The following PRG4 variants were observed in gnomAD, a reference collection of about 807,000 sequenced individuals.
PRG4 encodes the protein proteoglycan 4.
In PRG4, 61 loss-of-function variants were observed where a neutral mutation model predicts 91.2. That is an observed-to-expected ratio of 0.67 (90% CI 0.54 to 0.83). The LOEUF is 0.83. Ranked by LOEUF, PRG4 falls within the 40% of genes least tolerant of loss-of-function variation. The pLI is 0.00. For synonymous variants in PRG4, 576 were observed against 614.2 expected (o/e 0.94, Z 0.92); for missense variants, 1,564 against 1,714.2 (o/e 0.91, Z 1.55).
intron 6 of PRG4, 79 bp from the exon 7 acceptor site, chr1:186,306,239 T>C (rs1656544762): frequency 8.6e-7 from 1 of 1,160,996 alleles, no homozygotes; most frequent in East Asian, 2.5e-5. Flanking sequence ...AACTAGTCAA[T>C]GATAAAGATG....
Position 186,301,689 on chromosome 1 carries a change from T to C in PRG4, c.297T>C (p.Asp99=). The change falls in exon 4 of 13, where the codon GAT becomes GAC. Residue 99 remains aspartate, a synonymous_variant. Transcript: ENST00000445192. The part of the protein sequence containing the change: ...QCKKYDKCCP[D]YESFCAEVHN... ...AGAAGTATGACAAGTGCTGTCCCGA[T>C]TATGAGAGTTTCTGTGCAGAAGGTA... The C allele has an allele frequency of 6.2e-7, 1 of 1,613,704 alleles. No homozygotes were observed. The highest frequency in any genetic ancestry group is 8.5e-7 in the Non-Finnish European group (1 of 1,179,716).
At chr1:186,296,769 T>C in intron 1 of PRG4, 77 bp from the exon 2 acceptor site, 1 of 748,930 alleles carries the variant, frequency 1.3e-6, no homozygotes, top group Admixed American at 2.1e-5. Flanking sequence ...TTAAAGTTAC[T>C]GAAATGTGTA....
Position 186,307,432 on chromosome 1 carries a change from C to A in PRG4, c.1713C>A (p.Thr571=). The A allele has an allele frequency of 6.4e-7, 1 of 1,573,384 alleles. No homozygotes were observed. Among genetic ancestry groups the A allele is most frequent in the Non-Finnish European group, 8.6e-7 (1 of 1,161,152 alleles). The change falls in exon 7 of 13, where the codon ACC becomes ACA. Residue 571 remains threonine, a synonymous_variant. Transcript: ENST00000445192. ...APTTPKEPAP[T]TPKKPAPTTP... ...CCACTCCCAAGGAGCCTGCACCCAC[C>A]ACCCCCAAGAAGCCTGCCCCAACTA...
intron 2 of PRG4, among the ~76,000 whole-genome samples, chr1:186,297,853 G>A (rs1257889939): frequency 6.6e-6 from 1 of 152,132 alleles, no homozygotes. Flanking sequence ...ATAGGCATAA[G>A]TTGCAGAATT....
In PRG4 at chr1:186,313,917, A is replaced by G. The variant is rs1301712263; in HGVS notation, c.*139A>G. On this transcript the variant is annotated 3_prime_UTR_variant, in exon 13 of 13. Coordinates refer to ENST00000445192, the MANE Select transcript of PRG4 (RefSeq NM_005807.6). ...AATGTTTTTAAACTTGACAATCATT[A>G]CACTAAAACAGATTTGATAATCTTA... 6 of 1,576,008 alleles carry G rather than the reference A, an allele frequency of 3.8e-6. No individual in the cohort carries two copies. Among genetic ancestry groups the G allele is most frequent in the Non-Finnish European group, 5.2e-6 (6 of 1,147,330 alleles).
rs767564355 is a variant in PRG4 at position 186,313,739 on chromosome 1, T to C, written c.4176T>C (p.Ser1392=). 6.8e-6 allele frequency: 11 copies of C among 1,609,886 alleles called. No homozygotes were observed. In the Admixed American group the frequency reaches 1.5e-4, roughly 22 times the overall value. The part of the protein sequence containing the change: ...SRTARAITTR[S]GQTLSKVWYN... Reference sequence around the variant, plus strand: ...CAGCAAGAGCAATTACTACTCGTTCTGGGCAGACCTTATCCAAAGTCTGGT... The same window carrying C: ...CAGCAAGAGCAATTACTACTCGTTCCGGGCAGACCTTATCCAAAGTCTGGT... Residue 1392 remains serine (S), a synonymous_variant, in exon 13 of 13, where the codon TCT becomes TCC. Coordinates refer to ENST00000445192, the MANE Select transcript of PRG4 (RefSeq NM_005807.6).
At chr1:186,302,033 A>G (rs1310639357) in intron 4 of PRG4, among the ~76,000 whole-genome samples, 1 of 152,124 alleles carries the variant, frequency 6.6e-6, no homozygotes, top group Non-Finnish European at 1.5e-5. Context: ...TAATCAAATC[A>G]CTTGATGATT....
At chr1:186,299,706 A>G (rs997056888) in intron 2 of PRG4, among the ~76,000 whole-genome samples, 1 of 152,210 alleles carries the variant, frequency 6.6e-6, no homozygotes, top group African/African-American at 2.4e-5. Flanking sequence ...AAACATTTTC[A>G]TAAGCATTAG....
At position 186,311,157 on chromosome 1, in the gene PRG4, C is replaced by T. The variant is rs1328343430; in HGVS notation, c.3623C>T (p.Thr1208Ile). 6.2e-7 allele frequency: 1 copy of T among 1,612,142 alleles called. No individual in the cohort carries two copies. The change falls in exon 9 of 13, where the codon ACT becomes ATT. Residue 1208 changes from threonine (T) to isoleucine (I), a missense_variant. This residue lies in a region of PRG4 where 1,079 missense variants were observed against 1,162.2 expected (regional missense o/e 0.93). Transcript: ENST00000445192. ...ACTAGGTGCAACTGTGAAGGAAAAACTTTCTTCTTTAAGGTAACACAAATA... is the reference window on the plus strand; with the variant it reads ...ACTAGGTGCAACTGTGAAGGAAAAATTTTCTTCTTTAAGGTAACACAAATA... ...VFTRCNCEGKTFFFKDSQYWR... is the reference protein window; with the variant it reads ...VFTRCNCEGKIFFFKDSQYWR...
At chr1:186,313,531 T>C in intron 12 of PRG4, 150 bp from the exon 13 acceptor site, 1 of 584,914 alleles carries the variant, frequency 1.7e-6, no homozygotes, top group Non-Finnish European at 3.0e-6. Context: ...CAATTGTTTT[T>C]CTTTTTGTTA....
Position 186,304,134 on chromosome 1 carries a change from T to A in PRG4, c.346T>A (p.Ser116Thr), listed in dbSNP as rs1280902138. 1.2e-6 allele frequency: 2 copies of A among 1,614,098 alleles called. No individual in the cohort carries two copies. Among genetic ancestry groups the A allele is most frequent in the Admixed American group, 3.3e-5 (2 of 60,012 alleles). ...GCATAATCCCACATCACCACCATCT[T>A]CAAAGAAAGCACCTCCACCTTCAGG... Reference protein sequence around the residue: ...EVHNPTSPPSSKKAPPPSGAS... With the variant: ...EVHNPTSPPSTKKAPPPSGAS... The change falls in exon 5 of 13, where the codon TCA becomes ACA. Residue 116 changes from serine (S) to threonine (T), a missense_variant. Around this residue, in one of 3 missense-constraint regions of PRG4, gnomAD observed 437 missense variants for 459.0 expected, o/e 0.95. Transcript: ENST00000445192.
In PRG4 at chr1:186,306,847, C is replaced by T; in HGVS notation, c.1128C>T (p.Thr376=). The T allele has an allele frequency of 6.2e-7, 1 of 1,611,172 alleles. No homozygotes were observed. Among genetic ancestry groups the T allele is most frequent in the Admixed American group, 1.7e-5 (1 of 59,756 alleles). ...CTACCACCATCAAGTCTGCACCCAC[C>T]ACCCCCAAGGAGCCTGCACCCACCA... The part of the protein sequence containing the change: ...PTPTTIKSAP[T]TPKEPAPTTT... The change falls in exon 7 of 13, where the codon ACC becomes ACT. Residue 376 remains threonine (T), a synonymous_variant. Coordinates refer to ENST00000445192, the MANE Select transcript of PRG4 (RefSeq NM_005807.6).
rs1450386118 is a variant in PRG4 at position 186,311,302 on chromosome 1, AAC to A, written c.3636+134_3636+135del. The A allele has an allele frequency of 2.1e-5, 30 of 1,415,526 alleles. No homozygotes were observed. The East Asian group carries it at 4.3e-4, about 20-fold the overall frequency. The allele number at this position is 1,415,526 out of a possible 1,614,324, so 87.7% of individuals were successfully genotyped here. A position where few individuals can be genotyped will look rare whatever the true frequency, so the allele number is the denominator to read the frequency against. ...TGTCATCAAAATTTAATCATAATTCAACAGTTTGATAACAGTAATGGTCAAAA... is the reference window on the plus strand; with the variant it reads ...TGTCATCAAAATTTAATCATAATTCAAGTTTGATAACAGTAATGGTCAAAA... On this transcript the variant is annotated intron_variant, in intron 9 of 12. Coordinates refer to ENST00000445192, the MANE Select transcript of PRG4 (RefSeq NM_005807.6).
intron 3 of PRG4, 27 bp downstream of exon 3, chr1:186,300,240 C>A: frequency 6.2e-7 from 1 of 1,613,388 alleles, no homozygotes; most frequent in Non-Finnish European, 8.5e-7. Context: ...GGTGTCTCCT[C>A]TGTCAAGCAA....
Position 186,313,748 on chromosome 1 carries a change from C to G in PRG4, c.4185C>G (p.Thr1395=). The part of the protein sequence containing the change: ...ARAITTRSGQ[T]LSKVWYNCP Reference sequence around the variant, plus strand: ...CAATTACTACTCGTTCTGGGCAGACCTTATCCAAAGTCTGGTACAACTGTC... The same window carrying G: ...CAATTACTACTCGTTCTGGGCAGACGTTATCCAAAGTCTGGTACAACTGTC... The change falls in exon 13 of 13, where the codon ACC becomes ACG. Residue 1395 remains threonine, a synonymous_variant. Transcript: ENST00000445192. 2 of 1,607,798 alleles carry G rather than the reference C, an allele frequency of 1.2e-6. No homozygotes were observed. The highest frequency in any genetic ancestry group is 1.7e-6 in the Non-Finnish European group (2 of 1,174,462).
chr1:186,296,838 A>T lies in PRG4; in HGVS notation c.-30-8A>T. 6.6e-7 allele frequency: 1 copy of T among 1,514,426 alleles called. No homozygotes were observed. Among genetic ancestry groups the T allele is most frequent in the Non-Finnish European group, 9.2e-7 (1 of 1,090,132 alleles). 93.8% of individuals were successfully genotyped at this position (1,514,426 alleles called of 1,614,324 possible). A position where few individuals can be genotyped will look rare whatever the true frequency, so the allele number is the denominator to read the frequency against. ...AGCTGTTTTCTGATACTTTTATTTTATTTTCAGCAAGGGTACCTACGGTAC... is the reference window on the plus strand; with the variant it reads ...AGCTGTTTTCTGATACTTTTATTTTTTTTTCAGCAAGGGTACCTACGGTAC... On this transcript the variant is annotated splice_region_variant and splice_polypyrimidine_tract_variant and intron_variant, in intron 1 of 12. Transcript: ENST00000445192.
At position 186,306,664 on chromosome 1, in the gene PRG4, A is replaced by G; in HGVS notation, c.945A>G (p.Lys315=). 2 of 1,613,758 alleles carry G rather than the reference A, an allele frequency of 1.2e-6. No individual in the cohort carries two copies. Among genetic ancestry groups the G allele is most frequent in the Non-Finnish European group, 1.7e-6 (2 of 1,179,784 alleles). Residue 315 remains lysine, a synonymous_variant, in exon 7 of 13, where the codon AAA becomes AAG. Coordinates refer to ENST00000445192, the MANE Select transcript of PRG4 (RefSeq NM_005807.6). ...TSAKETQSIE[K]TSAKDLAPTS... is the part of the protein sequence containing the mutation. Reference sequence around the variant, plus strand: ...CTAAAGAGACACAAAGTATAGAGAAAACATCTGCTAAAGATTTAGCACCCA... The same window carrying G: ...CTAAAGAGACACAAAGTATAGAGAAGACATCTGCTAAAGATTTAGCACCCA...
intron 8 of PRG4, among the ~76,000 whole-genome samples, chr1:186,310,534 G>A (rs1657123361): frequency 6.6e-6 from 1 of 152,200 alleles, no homozygotes; most frequent in Non-Finnish European, 1.5e-5. Context: ...CCAGGCTGGA[G>A]TAGAGTGGTG....
At chr1:186,306,272 G>GA (rs373986292) in intron 6 of PRG4, 46 bp from the exon 7 acceptor site, 1,014 of 1,430,246 alleles carry the variant, frequency 7.1e-4, no homozygotes, top group Non-Finnish European at 8.0e-4. Context: ...CACTATTAAA[G>GA]AAAAAAAAAT....
Sources: allele counts gnomAD v4.1 joint callset (sites outside exome capture counted in the v4.1 genomes callset), GRCh38; gene constraint gnomAD v4.1.1; regional missense constraint gnomAD v4.1.1; transcripts MANE v1.5; gene names NCBI Gene and HGNC (gene_info 2026-07-23, HGNC 2026-07-21).